Variants in BLNK observed in about 807,000 individuals in gnomAD.
BLNK encodes B cell linker, also known as B-cell linker protein.
Under a neutral mutation model 73.5 loss-of-function variants are expected in BLNK, and 29 were observed. That is an observed-to-expected ratio of 0.39 (90% CI 0.29 to 0.54). BLNK has a LOEUF of 0.54. Among genes scored for constraint, BLNK ranks in the 20% least tolerant of loss-of-function variants. The pLI, the probability that BLNK is intolerant of heterozygous loss-of-function variation, is 0.61. For missense variants in BLNK, 460 were observed against 562.8 expected, an observed-to-expected ratio of 0.82 and a Z score of 1.85; for synonymous variants, 176 against 200.8, an observed-to-expected ratio of 0.88 and a Z score of 1.04.
At position 96,200,308 on chromosome 10, in the gene BLNK, C is replaced by T; in HGVS notation, c.1012-150G>A. 1 of 634,606 alleles carries T rather than the reference C, an allele frequency of 1.6e-6. No homozygotes were observed. Among genetic ancestry groups the T allele is most frequent in the South Asian group, 2.0e-5 (1 of 49,200 alleles). 39.3% of individuals were successfully genotyped at this position (634,606 alleles called of 1,614,324 possible). A position where few individuals can be genotyped will look rare whatever the true frequency, so the allele number is the denominator to read the frequency against. On this transcript the variant is annotated intron_variant, in intron 14 of 16. Coordinates refer to ENST00000224337, the MANE Select transcript of BLNK (RefSeq NM_013314.4). The surrounding 1 kb of genome is among the most constrained non-coding windows in gnomAD (Gnocchi z 4.3). ...AGATGAGTTTTATTTTTCCTTTGATCAAACACAAGGATTATACCGTTAACT... is the reference window on the plus strand; with the variant it reads ...AGATGAGTTTTATTTTTCCTTTGATTAAACACAAGGATTATACCGTTAACT...
intron 1 of BLNK, among the ~76,000 whole-genome samples, chr10:96,265,101 G>A (rs79663593): frequency 0.029 from 4,335 of 150,854 alleles, 87 homozygotes; most frequent in Non-Finnish European, 0.042. Context: ...GACTGCAGAC[G>A]CATGCCACCA....
intron 6 of BLNK, among the ~76,000 whole-genome samples, chr10:96,219,549 T>C (rs922262248): frequency 1.3e-5 from 2 of 152,216 alleles, no homozygotes; most frequent in Admixed American, 6.5e-5. Context: ...TATAGGGAAG[T>C]TGGAAGCTCC....
At chr10:96,199,823 A>G in intron 15 of BLNK, 1 of 245,476 alleles carries the variant, frequency 4.1e-6, no homozygotes, top group South Asian at 5.9e-5. Flanking sequence ...CAGGAGTTCG[A>G]GAGCAGCCTG....
rs148846157 is a variant in BLNK, at chr10:96,223,977, C to A, written c.374G>T (p.Ser125Ile). 1.6e-5 allele frequency: 26 copies of A among 1,612,904 alleles called. No individual in the cohort carries two copies. The East Asian group carries it at 5.6e-4, about 35-fold the overall frequency. ...ARGEYIDNRS[S>I]QRHSPPFSKT... Reference sequence around the variant, plus strand: ...GCTGAAGGGTGGGGAATGCCTCTGGCTTGATCGATTGTCTTGAAAGGAACA... The same window carrying A: ...GCTGAAGGGTGGGGAATGCCTCTGGATTGATCGATTGTCTTGAAAGGAACA... The change falls in exon 6 of 17, where the codon AGC (serine) becomes ATC (isoleucine). Residue 125 changes from serine to isoleucine, a missense_variant. Transcript: ENST00000224337.
chr10:96,237,263 G>A (rs1554905266), intron 3 of BLNK, among the ~76,000 whole-genome samples: 1 of 152,170 alleles, frequency 6.6e-6, no homozygotes, highest in African/African-American at 2.4e-5. Context: ...CTTCTTTAGT[G>A]GACAAAGGAT....
At chr10:96,260,252 A>G (rs1229632660) in intron 1 of BLNK, among the ~76,000 whole-genome samples, 1 of 152,210 alleles carries the variant, frequency 6.6e-6, no homozygotes, top group Admixed American at 6.5e-5. Context: ...CTAAGAGGTC[A>G]TGTCATTTAG....
At position 96,252,430 on chromosome 10, in the gene BLNK, C is replaced by A. The variant is rs548519749; in HGVS notation, c.48-5381G>T. Among the ~76,000 whole-genome samples, 4 of 152,286 alleles carry A rather than the reference C, an allele frequency of 2.6e-5. No homozygotes were observed. In the East Asian group the frequency reaches 7.7e-4, roughly 29 times the overall value. On this transcript the variant is annotated intron_variant, in intron 1 of 16. Coordinates refer to ENST00000224337, the MANE Select transcript of BLNK (RefSeq NM_013314.4). Reference sequence around the variant, plus strand: ...TCCTTTGTGCATGTCTATGATAGATCATGCCTTTTTCTATTGTGGGCCTTT... The same window carrying A: ...TCCTTTGTGCATGTCTATGATAGATAATGCCTTTTTCTATTGTGGGCCTTT...
intron 8 of BLNK, among the ~76,000 whole-genome samples, chr10:96,210,863 G>GTTT (rs377260098): frequency 0.026 from 3,208 of 121,478 alleles, 95 homozygotes; most frequent in African/African-American, 0.041. Flanking sequence ...CCACAATTCC[G>GTTT]TTTTTTTTTT....
intron 3 of BLNK, among the ~76,000 whole-genome samples, chr10:96,238,076 C>T (rs587658533): frequency 2.6e-5 from 4 of 152,304 alleles, no homozygotes; most frequent in Middle Eastern, 3.4e-3. Flanking sequence ...TCCTTAGGGG[C>T]GATGTTTCCT....
At chr10:96,192,187 A>T in intron 16 of BLNK, 95 bp from the exon 17 acceptor site, 1 of 1,519,198 alleles carries the variant, frequency 6.6e-7, no homozygotes, top group East Asian at 2.3e-5. Flanking sequence ...AGTTAGTAAA[A>T]GTTATTACAC....
intron 1 of BLNK, among the ~76,000 whole-genome samples, chr10:96,257,215 A>G (rs1843557200): frequency 6.6e-6 from 1 of 152,218 alleles, no homozygotes; most frequent in African/African-American, 2.4e-5. Flanking sequence ...GCAGAGACAG[A>G]TAGTCAAGGG....
intron 6 of BLNK, among the ~76,000 whole-genome samples, chr10:96,223,179 C>T (rs2084239132): frequency 6.6e-6 from 1 of 152,174 alleles, no homozygotes; most frequent in African/African-American, 2.4e-5. Context: ...GTGCGTACAA[C>T]TCCGGTAAGC....
At chr10:96,195,004 C>T (rs1564809687) in intron 16 of BLNK, among the ~76,000 whole-genome samples, 2 of 151,756 alleles carry the variant, frequency 1.3e-5, no homozygotes, top group African/African-American at 2.4e-5. Flanking sequence ...CTCCTGACCT[C>T]GTGATCCGCC....
At chr10:96,267,272 G>A (rs925798250) in intron 1 of BLNK, among the ~76,000 whole-genome samples, 4 of 152,066 alleles carry the variant, frequency 2.6e-5, no homozygotes, top group Non-Finnish European at 4.4e-5. Context: ...TAACCTATCC[G>A]GGATGTTGTG....
At chr10:96,223,196 C>T (rs145484657) in intron 6 of BLNK, among the ~76,000 whole-genome samples, 17 of 152,274 alleles carry the variant, frequency 1.1e-4, no homozygotes, top group Non-Finnish European at 1.5e-4. Context: ...AAGCACACTG[C>T]GCATGCTCAC....
intron 1 of BLNK, among the ~76,000 whole-genome samples, chr10:96,252,404 A>G (rs782308296): frequency 9.9e-5 from 15 of 152,196 alleles, no homozygotes; most frequent in Non-Finnish European, 1.8e-4. Context: ...TTGGGAGACC[A>G]TCCTTTGTGC....
intron 8 of BLNK, among the ~76,000 whole-genome samples, chr10:96,211,725 C>A (rs1348365193): frequency 2.6e-5 from 4 of 152,126 alleles, no homozygotes; most frequent in Non-Finnish European, 4.4e-5. Flanking sequence ...AAAGAGATTG[C>A]GTTTGGAATG....
intron 2 of BLNK, among the ~76,000 whole-genome samples, chr10:96,244,725 G>A (rs376345323): frequency 1.3e-5 from 2 of 152,116 alleles, no homozygotes; most frequent in African/African-American, 4.8e-5. Context: ...GAAGAAACAT[G>A]GTTTGTCATG....
chr10:96,203,208 G>A (rs1395722274), intron 13 of BLNK, among the ~76,000 whole-genome samples: 2 of 151,922 alleles, frequency 1.3e-5, no homozygotes, highest in South Asian at 2.1e-4. Flanking sequence ...TTTGAAAAAC[G>A]GTAAAAGGTA....
Sources: allele counts gnomAD v4.1 joint callset (sites outside exome capture counted in the v4.1 genomes callset), GRCh38; gene constraint gnomAD v4.1.1; non-coding constraint Gnocchi (gnomAD v3.1); transcripts MANE v1.5; gene names NCBI Gene and HGNC (gene_info 2026-07-23, HGNC 2026-07-21).